The following DLGAP2 variants were observed in gnomAD, a reference collection of about 807,000 sequenced individuals.
DLGAP2 encodes disks large-associated protein 2.
In DLGAP2, 26 loss-of-function variants were observed where a neutral mutation model predicts 100.3. The ratio of observed to expected loss-of-function variants is 0.26; its 90% confidence interval spans 0.19 to 0.36. The LOEUF (loss-of-function observed/expected upper bound fraction) is 0.36, where lower values mean the gene tolerates loss of function less well. Ranked by LOEUF, DLGAP2 falls within the 10% of genes least tolerant of loss-of-function variation. The probability of loss-of-function intolerance (pLI) is 1.00; values close to 1 mark genes in which losing one functional copy is unlikely to be tolerated. For missense variants in DLGAP2, 1,858 were observed against 1,453.2 expected, an observed-to-expected ratio of 1.28 and a Z score of -4.53; for synonymous variants, 886 against 630.1, an observed-to-expected ratio of 1.41 and a Z score of -6.08.
intron 2 of DLGAP2, among the ~76,000 whole-genome samples, chr8:993,588 C>G (rs1025093650): frequency 3.3e-5 from 5 of 152,014 alleles, no homozygotes; most frequent in Admixed American, 6.6e-5. Flanking sequence ...CATCTCAGCT[C>G]GTGTTCTCCT....
At chr8:946,467 A>T (rs11137114) in intron 2 of DLGAP2, among the ~76,000 whole-genome samples, 4 of 151,610 alleles carry the variant, frequency 2.6e-5, no homozygotes, top group South Asian at 2.1e-4. Context: ...GTTTCACCAT[A>T]TTAGCCAGGA....
chr8:1,150,265 T>C (rs1425618153), intron 2 of DLGAP2, among the ~76,000 whole-genome samples: 1 of 152,258 alleles, frequency 6.6e-6, no homozygotes, highest in East Asian at 1.9e-4. Context: ...AGTTGGCAGT[T>C]ATCTGTTTCA....
intron 2 of DLGAP2, among the ~76,000 whole-genome samples, chr8:1,169,096 A>C (rs370287483): frequency 2.0e-5 from 3 of 148,346 alleles, no homozygotes; most frequent in Non-Finnish European, 4.5e-5. Context: ...AGCTTTCTCC[A>C]TATGGCTAGC....
chr8:1,181,419 G>T (rs1056730413), intron 2 of DLGAP2, among the ~76,000 whole-genome samples: 13 of 152,214 alleles, frequency 8.5e-5, no homozygotes, highest in African/African-American at 2.9e-4. Context: ...CTCCATCCAT[G>T]TTCCTGCAGG....
chr8:1,683,863 T>G (rs1799030907), intron 12 of DLGAP2, among the ~76,000 whole-genome samples: 1 of 71,634 alleles, frequency 1.4e-5, no homozygotes, highest in Non-Finnish European at 2.4e-5. Flanking sequence ...TATATGTGTG[T>G]GTGTGTGTGT....
At chr8:1,161,255 C>G (rs1009176390) in intron 2 of DLGAP2, among the ~76,000 whole-genome samples, 1 of 152,122 alleles carries the variant, frequency 6.6e-6, no homozygotes, top group Non-Finnish European at 1.5e-5. Context: ...GTTTTAAATA[C>G]ACAAGCTGAC....
intron 3 of DLGAP2, among the ~76,000 whole-genome samples, chr8:1,332,579 C>T (rs967208076): frequency 2.6e-5 from 4 of 152,190 alleles, no homozygotes; most frequent in Non-Finnish European, 5.9e-5. Context: ...AGCTTCCCTG[C>T]CCCTGGCTGT....
intron 2 of DLGAP2, among the ~76,000 whole-genome samples, chr8:1,071,483 C>G (rs1803429518): frequency 6.6e-6 from 1 of 152,174 alleles, no homozygotes; most frequent in Non-Finnish European, 1.5e-5. Context: ...CAGGAGAACA[C>G]TTGCTCCTGG....
intron 1 of DLGAP2, among the ~76,000 whole-genome samples, chr8:885,672 A>G (rs1238709733): frequency 2.6e-5 from 4 of 152,178 alleles, no homozygotes; most frequent in South Asian, 4.1e-4. Flanking sequence ...AATAAGAGTG[A>G]TGAGAGAGGG....
rs1774930571 is a variant in DLGAP2, at chr8:1,697,237, T to G, written c.2887T>G (p.Phe963Val). Residue 963 changes from phenylalanine to valine, a missense_variant, in exon 14 of 15, where the codon TTC (phenylalanine) becomes GTC (valine). By Grantham distance (50) the Phe-to-Val change is conservative (BLOSUM62 -1). Transcript: ENST00000637795. ...QLSIEDVSMK[F>V]DELQRLRLND... is the part of the protein sequence containing the mutation. ...CTCCATTGAGGACGTCAGCATGAAG[T>G]TCGACGAGCTGCAGCGGCTGCGGCT... 2 of 1,611,454 alleles carry G rather than the reference T, an allele frequency of 1.2e-6. No homozygotes were observed. Among genetic ancestry groups the G allele is most frequent in the Non-Finnish European group, 1.7e-6 (2 of 1,178,604 alleles).
At chr8:760,814 A>AT (rs1166084444) in intron 1 of DLGAP2, among the ~76,000 whole-genome samples, 1 of 151,536 alleles carries the variant, frequency 6.6e-6, no homozygotes, top group African/African-American at 2.4e-5. Flanking sequence ...GCGTCCCCCC[A>AT]CCCCTCCCAC....
intron 1 of DLGAP2, among the ~76,000 whole-genome samples, chr8:828,157 C>A (rs983733429): frequency 2.6e-5 from 4 of 152,176 alleles, no homozygotes; most frequent in African/African-American, 9.7e-5. Context: ...GTTTTGGGCA[C>A]CACTGTCATT....
chr8:899,703 C>T (rs1477165500), intron 1 of DLGAP2, among the ~76,000 whole-genome samples: 1 of 152,186 alleles, frequency 6.6e-6, no homozygotes, highest in Admixed American at 6.5e-5. Flanking sequence ...TAGAAACAAA[C>T]CTAAGGCAGT....
chr8:1,127,690 G>T (rs1265856651), intron 2 of DLGAP2, among the ~76,000 whole-genome samples: 2 of 152,212 alleles, frequency 1.3e-5, no homozygotes, highest in Non-Finnish European at 2.9e-5. Flanking sequence ...AGATGAGAGT[G>T]TTCCGGCATT....
At chr8:1,558,233 C>T (rs375451144) in intron 5 of DLGAP2, among the ~76,000 whole-genome samples, 6 of 152,314 alleles carry the variant, frequency 3.9e-5, no homozygotes, top group African/African-American at 9.6e-5. Flanking sequence ...AGGAGCTGGA[C>T]GGGGCCAAAG....
rs1463661540 is a variant in DLGAP2, at chr8:1,097,338, C to G, written c.74-161513C>G. ...CCTCTGTGGCATGGAGGGGACCCCT[C>G]CAGCGTGAGACCCACGTCCCTGTGC... On this transcript the variant is annotated intron_variant, in intron 2 of 14. Coordinates refer to ENST00000637795, the MANE Select transcript of DLGAP2 (RefSeq NM_001346810.2). Among the ~76,000 whole-genome samples the G allele has an allele frequency of 2.3e-5, 3 of 130,482 alleles. 1 individual carries two copies. In the East Asian group the frequency reaches 7.5e-4, roughly 33 times the overall value. 85.6% of individuals were successfully genotyped at this position (130,482 alleles called of 152,430 possible).
At chr8:1,224,012 A>T (rs1397781406) in intron 2 of DLGAP2, among the ~76,000 whole-genome samples, 1 of 152,182 alleles carries the variant, frequency 6.6e-6, no homozygotes, top group Non-Finnish European at 1.5e-5. Context: ...CTTGATGTGG[A>T]TTAATATGAA....
chr8:1,032,673 C>T (rs1802008905), intron 2 of DLGAP2: 1 of 152,140 alleles, frequency 6.6e-6, no homozygotes, highest in African/African-American at 2.4e-5. Flanking sequence ...ATATTTGAGT[C>T]TGTTATTCTT....
intron 1 of DLGAP2, among the ~76,000 whole-genome samples, chr8:852,160 AC>A (rs1563063752): frequency 6.6e-6 from 1 of 151,710 alleles, no homozygotes; most frequent in East Asian, 1.9e-4. Flanking sequence ...TAAAAAAAAA[AC>A]ATGTCAAAAA....
Sources: allele counts gnomAD v4.1 joint callset (sites outside exome capture counted in the v4.1 genomes callset), GRCh38; gene constraint gnomAD v4.1.1; transcripts MANE v1.5; gene names NCBI Gene and HGNC (gene_info 2026-07-23, HGNC 2026-07-21).